Variants in RNF150 observed in about 807,000 individuals in gnomAD.
RNF150 encodes the protein ring finger protein 150.
Under a neutral mutation model 39.3 loss-of-function variants are expected in RNF150, and 24 were observed. The observed-to-expected ratio is 0.61, with a 90% CI of 0.44 to 0.86. RNF150 has a LOEUF of 0.86. Ranked by LOEUF, RNF150 falls within the 40% of genes least tolerant of loss-of-function variation. The probability of loss-of-function intolerance (pLI) is 0.00; values close to 1 mark genes in which losing one functional copy is unlikely to be tolerated. For synonymous variants in RNF150, 255 were observed against 227.3 expected, an observed-to-expected ratio of 1.12 and a Z score of -1.10; for missense variants, 502 against 587.8, an observed-to-expected ratio of 0.85 and a Z score of 1.51.
chr4:140,942,003 A>C (rs1732103192), intron 4 of RNF150, among the ~76,000 whole-genome samples: 1 of 152,214 alleles, frequency 6.6e-6, no homozygotes, highest in Non-Finnish European at 1.5e-5. Flanking sequence ...AGGGGAATGA[A>C]GAATTGCTGT....
rs1728613900 is a variant in RNF150 at position 140,864,219 on chromosome 4, C to T, written c.*4042G>A. On this transcript the variant is annotated 3_prime_UTR_variant, in exon 7 of 7. Transcript: ENST00000515673. ...CAAAAATGGGTAGGTACCTTTGCCGCTTTTAATTTTCTGCCTTCTCCAGAC... is the reference window on the plus strand; with the variant it reads ...CAAAAATGGGTAGGTACCTTTGCCGTTTTTAATTTTCTGCCTTCTCCAGAC... 6.6e-6 allele frequency: 1 copy of T among 152,260 alleles called. No individual in the cohort carries two copies. The highest frequency in any genetic ancestry group is 2.1e-4 in the South Asian group (1 of 4,834). 9.4% of individuals were successfully genotyped at this position (152,260 alleles called of 1,614,324 possible).
chr4:140,880,685 C>A (rs1729342315), intron 6 of RNF150, among the ~76,000 whole-genome samples: 1 of 150,896 alleles, frequency 6.6e-6, no homozygotes, highest in African/African-American at 2.4e-5. Context: ...AACAAAAGGT[C>A]TTTTTATTAC....
At chr4:140,950,238 A>T (rs1732493175) in intron 2 of RNF150, among the ~76,000 whole-genome samples, 1 of 152,218 alleles carries the variant, frequency 6.6e-6, no homozygotes, top group Non-Finnish European at 1.5e-5. Flanking sequence ...AGTAAAACAG[A>T]AGGACTAAGA....
chr4:140,874,420 C>T (rs982908623), intron 6 of RNF150, among the ~76,000 whole-genome samples: 1 of 152,182 alleles, frequency 6.6e-6, no homozygotes, highest in Non-Finnish European at 1.5e-5. Context: ...TGCATTTCTT[C>T]ATAAAGAGGA....
intron 1 of RNF150, among the ~76,000 whole-genome samples, chr4:141,015,639 A>C (rs1735241686): frequency 6.6e-6 from 1 of 152,172 alleles, no homozygotes. Context: ...TATCAGTCCT[A>C]ACAATTTTTC....
chr4:141,161,569 T>C (rs1727513187), intron 1 of RNF150, among the ~76,000 whole-genome samples: 1 of 152,156 alleles, frequency 6.6e-6, no homozygotes, highest in South Asian at 2.1e-4. Context: ...CCCAAGACAA[T>C]GGGGAAAAGC....
At chr4:141,081,495 T>C (rs1738145671) in intron 1 of RNF150, among the ~76,000 whole-genome samples, 1 of 152,234 alleles carries the variant, frequency 6.6e-6, no homozygotes, top group Non-Finnish European at 1.5e-5. Flanking sequence ...TGGGATTTCA[T>C]GTGTTTCATG....
intron 1 of RNF150, among the ~76,000 whole-genome samples, chr4:141,118,734 G>A (rs1047400005): frequency 1.3e-5 from 2 of 152,218 alleles, no homozygotes; most frequent in African/African-American, 2.4e-5. Flanking sequence ...TTTGAGATAC[G>A]TGTTTTTCTG....
chr4:141,042,132 T>C (rs7687232), intron 1 of RNF150, among the ~76,000 whole-genome samples: 118,089 of 151,898 alleles, frequency 0.78, 46,368 homozygotes, highest in Non-Finnish European at 0.82. Context: ...TGTAGCTCAC[T>C]TGTTTATAAT....
At chr4:141,134,022 C>T (rs1351898962), upstream of RNF150, among the ~76,000 whole-genome samples, 1 of 152,210 alleles carries the variant, frequency 6.6e-6, no homozygotes, top group Non-Finnish European at 1.5e-5. Flanking sequence ...TAACAATGGG[C>T]TTCCTACTGC....
At chr4:141,102,450 A>G (rs1027731499) in intron 1 of RNF150, among the ~76,000 whole-genome samples, 2 of 152,184 alleles carry the variant, frequency 1.3e-5, no homozygotes, top group African/African-American at 4.8e-5. Context: ...GTGAGTCACC[A>G]TCTACTTTCC....
chr4:141,164,258 AAG>A (rs1242709264), intron 1 of RNF150, among the ~76,000 whole-genome samples: 2 of 152,012 alleles, frequency 1.3e-5, no homozygotes, highest in African/African-American at 4.8e-5. Flanking sequence ...TTAGAGAAAA[AAG>A]AATGAAAAGG....
intron 6 of RNF150, among the ~76,000 whole-genome samples, chr4:140,910,501 G>T (rs779721007): frequency 5.3e-5 from 8 of 152,098 alleles, no homozygotes; most frequent in Non-Finnish European, 7.4e-5. Context: ...AGCATTTAGT[G>T]ACTGTCTATG....
intron 6 of RNF150, among the ~76,000 whole-genome samples, chr4:140,880,234 T>G (rs1484066592): frequency 3.3e-5 from 5 of 152,248 alleles, no homozygotes; most frequent in Non-Finnish European, 5.9e-5. Flanking sequence ...AAATGCATTT[T>G]CTGCATCAGT....
chr4:141,044,808 G>A lies in RNF150; in HGVS notation c.485-76935C>T, dbSNP rs115525124. Among the ~76,000 whole-genome samples, 1,217 of 143,836 alleles carry A rather than the reference G, an allele frequency of 8.5e-3. 16 individuals carry two copies. The highest frequency in any genetic ancestry group is 0.032 in the African/African-American group (1,151 of 36,354). 94.4% of individuals were successfully genotyped at this position (143,836 alleles called of 152,430 possible). ...GCACACACACACACACAATTCATGT[G>A]AGCCTGGGAGGGTCTTGACTTCAAA... is the stretch of plus-strand genomic sequence containing the variant. On this transcript the variant is annotated intron_variant, in intron 1 of 6. Transcript: ENST00000515673.
Position 141,132,329 on chromosome 4 carries a change from G to T in RNF150, c.480C>A (p.His160Gln), listed in dbSNP as rs746196657. Residue 160 changes from histidine (H) to glutamine (Q), a missense_variant, in exon 1 of 7, where the codon CAC (histidine) becomes CAA (glutamine). Coordinates refer to ENST00000515673, the MANE Select transcript of RNF150 (RefSeq NM_020724.2). The surrounding 1 kb of genome is among the most constrained non-coding windows in gnomAD (Gnocchi z 4.9). ...SNTNETITMP[H>Q]AGVEDIVAIM... Reference sequence around the variant, plus strand: ...CGCGCCCGCTGGGCCACTCACCCGCGTGGGGCATGGTGATGGTCTCGTTGG... The same window carrying T: ...CGCGCCCGCTGGGCCACTCACCCGCTTGGGGCATGGTGATGGTCTCGTTGG... 1 of 1,574,642 alleles carries T rather than the reference G, an allele frequency of 6.4e-7. No individual in the cohort carries two copies. The highest frequency in any genetic ancestry group is 1.2e-5 in the South Asian group (1 of 85,850).
chr4:140,898,011 C>T (rs28481917), intron 6 of RNF150, among the ~76,000 whole-genome samples: 9,295 of 152,176 alleles, frequency 0.061, 354 homozygotes, highest in African/African-American at 0.1. Flanking sequence ...TCTCTGCTGT[C>T]TAACAAAGAC....
intron 1 of RNF150, among the ~76,000 whole-genome samples, chr4:140,989,612 T>C (rs1391978176): frequency 6.6e-6 from 1 of 152,206 alleles, no homozygotes; most frequent in Admixed American, 6.5e-5. Flanking sequence ...TTGCAGAAAC[T>C]AAGCTTCCAG....
At position 141,019,033 on chromosome 4, in the gene RNF150, AATATATATAT is replaced by A. The variant is rs10527652; in HGVS notation, c.485-51170_485-51161del. Among the ~76,000 whole-genome samples the A allele has an allele frequency of 2.3e-3, 290 of 126,382 alleles. 1 individual carries two copies. Among genetic ancestry groups the A allele is most frequent in the African/African-American group, 7.7e-3 (249 of 32,358 alleles). 82.9% of individuals were successfully genotyped at this position (126,382 alleles called of 152,430 possible). A position where few individuals can be genotyped will look rare whatever the true frequency, so the allele number is the denominator to read the frequency against. On this transcript the variant is annotated intron_variant, in intron 1 of 6. Transcript: ENST00000515673. ...TTTGAAGGCAATCTTACTGCAAAGA[AATATATATAT>A]ATATATATATATATATATATATATA...
Sources: allele counts gnomAD v4.1 joint callset (sites outside exome capture counted in the v4.1 genomes callset), GRCh38; gene constraint gnomAD v4.1.1; non-coding constraint Gnocchi (gnomAD v3.1); transcripts MANE v1.5; gene names NCBI Gene and HGNC (gene_info 2026-07-23, HGNC 2026-07-21).